The following PHC2 variants were observed in gnomAD, a reference collection of about 807,000 sequenced individuals.
PHC2 encodes polyhomeotic-like protein 2.
In PHC2, 29 loss-of-function variants were observed where a neutral mutation model predicts 87.4. The ratio of observed to expected loss-of-function variants is 0.33; its 90% CI spans 0.25 to 0.45. PHC2 has a LOEUF of 0.45. Among genes scored for constraint, PHC2 ranks in the 20% least tolerant of loss-of-function variants. The pLI is 1.00. For synonymous variants in PHC2, 438 were observed against 461.7 expected (o/e 0.95, Z 0.66); for missense variants, 857 against 1,136.7 (o/e 0.75, Z 3.54).
At chr1:33,371,553 C>T (rs1224203663) in intron 3 of PHC2, among the ~76,000 whole-genome samples, 1 of 152,210 alleles carries the variant, frequency 6.6e-6, no homozygotes, top group Non-Finnish European at 1.5e-5. Context: ...CACCGCCCCC[C>T]ACAGAGAATT....
At chr1:33,405,164 T>C (rs1649703414) in intron 1 of PHC2, among the ~76,000 whole-genome samples, 1 of 152,018 alleles carries the variant, frequency 6.6e-6, no homozygotes, top group African/African-American at 2.4e-5. Context: ...CCTCAATCAG[T>C]CTTTATAAGG....
At chr1:33,367,765 A>G (rs891682423) in intron 6 of PHC2, among the ~76,000 whole-genome samples, 9 of 152,124 alleles carry the variant, frequency 5.9e-5, no homozygotes, top group Non-Finnish European at 1.3e-4. Flanking sequence ...TTGGATGCAC[A>G]CCACCCAGAA....
rs758715305 is a variant in PHC2, at chr1:33,334,250, C to A, written c.1601G>T (p.Ser534Ile). 2 of 1,611,526 alleles carry A rather than the reference C, an allele frequency of 1.2e-6. No homozygotes were observed. The highest frequency in any genetic ancestry group is 2.7e-5 in the African/African-American group (2 of 74,662). ...TCCGTTCCCTGAGGTCATGCCGGGG[C>A]TGCTGAGGTCGGTCAGTGCATGAAC... is the stretch of plus-strand genomic sequence containing the variant. ...GIVHALTDLS[S>I]PGMTSGNGNS... Residue 534 changes from serine to isoleucine, a missense_variant, in exon 10 of 15, where the codon AGC (serine) becomes ATC (isoleucine). Ser to Ile is a moderately radical substitution (Grantham distance 142). Around this residue, in one of 3 missense-constraint regions of PHC2, gnomAD observed 832 missense variants for 1,081.8 expected, o/e 0.77. Transcript: ENST00000683057. The surrounding 1 kb of genome is among the most constrained non-coding windows in gnomAD (Gnocchi z 5.5).
intron 1 of PHC2, among the ~76,000 whole-genome samples, chr1:33,424,144 G>A (rs986722388): frequency 2.0e-5 from 3 of 151,836 alleles, no homozygotes; most frequent in African/African-American, 7.2e-5. Context: ...AAAAGAAAGT[G>A]CTGAATATTT....
At chr1:33,342,394 G>C (rs950038073) in intron 9 of PHC2, among the ~76,000 whole-genome samples, 1 of 152,186 alleles carries the variant, frequency 6.6e-6, no homozygotes, top group Admixed American at 6.5e-5. Context: ...AAAGAGAACG[G>C]CCCTTCTGAC....
intron 1 of PHC2, among the ~76,000 whole-genome samples, chr1:33,420,089 T>C (rs1180945032): frequency 6.6e-6 from 1 of 152,234 alleles, no homozygotes; most frequent in Non-Finnish European, 1.5e-5. Context: ...AGCCTACTAT[T>C]TATCACTAGG....
chr1:33,329,610 A>G (rs139707718), intron 13 of PHC2, among the ~76,000 whole-genome samples: 2,118 of 152,342 alleles, frequency 0.014, 26 homozygotes, highest in Non-Finnish European at 0.021. Flanking sequence ...TCTGGCATAC[A>G]GCTGGTGCTA....
At chr1:33,425,773 G>A (rs1650643509) in intron 1 of PHC2, among the ~76,000 whole-genome samples, 1 of 152,180 alleles carries the variant, frequency 6.6e-6, no homozygotes, top group African/African-American at 2.4e-5. Flanking sequence ...AGAAGACCCA[G>A]CCCAGCCATG....
At chr1:33,408,045 T>C (rs1286705329) in intron 1 of PHC2, among the ~76,000 whole-genome samples, 2 of 152,228 alleles carry the variant, frequency 1.3e-5, no homozygotes, top group Non-Finnish European at 2.9e-5. Flanking sequence ...ACCCTAGATT[T>C]TGGCCCAAGC....
chr1:33,375,474 C>T lies in PHC2; in HGVS notation c.66G>A (p.Gly22=). 2.5e-6 allele frequency: 4 copies of T among 1,612,088 alleles called. No homozygotes were observed. The highest frequency in any genetic ancestry group is 3.4e-6 in the Non-Finnish European group (4 of 1,179,162). ...SSACATSSTS[G]ASSSSGCNNS... Reference sequence around the variant, plus strand: ...TGTTGCAGCCACTGCTGCTACTGGCCCCGCTGGTACTGCTGGTGGCACAGG... The same window carrying T: ...TGTTGCAGCCACTGCTGCTACTGGCTCCGCTGGTACTGCTGGTGGCACAGG... The change falls in exon 2 of 15, where the codon GGG becomes GGA. Residue 22 remains glycine (G), a synonymous_variant. Transcript: ENST00000683057.
Position 33,349,664 on chromosome 1 carries a change from C to T in PHC2, c.1558+4737G>A, listed in dbSNP as rs1480668767. The T allele has an allele frequency of 2.0e-6, 2 of 982,890 alleles. No homozygotes were observed. The highest frequency in any genetic ancestry group is 3.5e-5 in the African/African-American group (2 of 56,786). The allele number at this position is 982,890 out of a possible 1,614,324, so 60.9% of individuals were successfully genotyped here. On this transcript the variant is annotated intron_variant, in intron 9 of 14. Transcript: ENST00000683057. The surrounding 1 kb of genome is among the most constrained non-coding windows in gnomAD (Gnocchi z 4.2). ...AGCCCCTCGGCCGGGCGCCGACTCG[C>T]GCGGGGTCCCGGGCCCGGGCGGGCC...
In PHC2 at chr1:33,334,302, A is replaced by G. The variant is rs1280659788; in HGVS notation, c.1559-10T>C. ...ATGCCCTGCCCTGTCTCTGCACGAGAGAGAGTAGGAAAACAAAGCAGGGGA... is the reference window on the plus strand; with the variant it reads ...ATGCCCTGCCCTGTCTCTGCACGAGGGAGAGTAGGAAAACAAAGCAGGGGA... On this transcript the variant is annotated splice_polypyrimidine_tract_variant and intron_variant, in intron 9 of 14. Transcript: ENST00000683057. The surrounding 1 kb of genome is among the most constrained non-coding windows in gnomAD (Gnocchi z 5.5). 4.3e-6 allele frequency: 7 copies of G among 1,611,588 alleles called. No individual in the cohort carries two copies. Among genetic ancestry groups the G allele is most frequent in the Non-Finnish European group, 5.9e-6 (7 of 1,178,616 alleles).
At chr1:33,427,999 A>G (rs192041546) in intron 1 of PHC2, among the ~76,000 whole-genome samples, 3 of 152,308 alleles carry the variant, frequency 2.0e-5, no homozygotes. Flanking sequence ...GGCTTCAATT[A>G]TCACCATTTT....
chr1:33,331,215 G>C lies in PHC2; in HGVS notation c.2006+133C>G, dbSNP rs1269956573. Reference sequence around the variant, plus strand: ...CTTGTTGAATTAGGGATGCCATCCTGCTTCCAGGTGGGTCGAGGAACTAGG... The same window carrying C: ...CTTGTTGAATTAGGGATGCCATCCTCCTTCCAGGTGGGTCGAGGAACTAGG... On this transcript the variant is annotated intron_variant, in intron 12 of 14. Coordinates refer to ENST00000683057, the MANE Select transcript of PHC2 (RefSeq NM_001385109.1). The surrounding 1 kb of genome is among the most constrained non-coding windows in gnomAD (Gnocchi z 5.2). 4 of 507,528 alleles carry C rather than the reference G, an allele frequency of 7.9e-6. No homozygotes were observed. Among genetic ancestry groups the C allele is most frequent in the Non-Finnish European group, 1.4e-5 (4 of 284,632 alleles). 31.4% of individuals were successfully genotyped at this position (507,528 alleles called of 1,614,324 possible).
rs1441648414 is a variant in PHC2, at chr1:33,375,395, T to G, written c.145A>C (p.Ser49Arg). The change falls in exon 2 of 15, where the codon AGT (serine) becomes CGT (arginine). Residue 49 changes from serine to arginine, a missense_variant. Transcript: ENST00000683057. ...ACGGTCTGCCGGTCTGGAATACCAC[T>G]GTACACAGAAATCTGGGGCCCGGTG... The part of the protein sequence containing the change: ...RPTGPQISVY[S>R]GIPDRQTVQV... The G allele has an allele frequency of 6.2e-7, 1 of 1,608,370 alleles. No homozygotes were observed. The highest frequency in any genetic ancestry group is 2.2e-5 in the East Asian group (1 of 44,530).
rs2148349357 is a variant in PHC2 at position 33,382,788 on chromosome 1, G to C, written c.-54-7195C>G. On this transcript the variant is annotated intron_variant, in intron 1 of 14. Transcript: ENST00000683057. The surrounding 1 kb of genome is among the most constrained non-coding windows in gnomAD (Gnocchi z 4.3). ...GTTCTGCCCTCCCAGGAGCCGCCAAGTCTACGAAACACTAGGCCTTTGTCC... is the reference window on the plus strand; with the variant it reads ...GTTCTGCCCTCCCAGGAGCCGCCAACTCTACGAAACACTAGGCCTTTGTCC... Among the ~76,000 whole-genome samples the C allele has an allele frequency of 6.6e-6, 1 of 152,326 alleles. No homozygotes were observed. The highest frequency in any genetic ancestry group is 1.5e-5 in the Non-Finnish European group (1 of 68,028).
At position 33,332,511 on chromosome 1, in the gene PHC2, G is replaced by C. The variant is rs759943610; in HGVS notation, c.1762-107C>G. 7.5e-7 allele frequency: 1 copy of C among 1,340,726 alleles called. No homozygotes were observed. The highest frequency in any genetic ancestry group is 2.3e-5 in the East Asian group (1 of 43,246). The allele number at this position is 1,340,726 out of a possible 1,614,324, so 83.1% of individuals were successfully genotyped here. A position where few individuals can be genotyped will look rare whatever the true frequency, so the allele number is the denominator to read the frequency against. On this transcript the variant is annotated intron_variant, in intron 10 of 14. Transcript: ENST00000683057. The surrounding 1 kb of genome is among the most constrained non-coding windows in gnomAD (Gnocchi z 4.2). The stretch of plus-strand genomic sequence containing the variant: ...ATAAAGTATCCAGGCACAGAGGCCA[G>C]CCCTCCTCAAACCTTCCCCCATGTC...
intron 14 of PHC2, chr1:33,325,704 C>A: frequency 2.8e-6 from 1 of 356,092 alleles, no homozygotes; most frequent in Non-Finnish European, 5.7e-6. Context: ...CCCACATGGC[C>A]CTTGAGATGA....
At chr1:33,393,110 A>G (rs1424109699) in intron 1 of PHC2, among the ~76,000 whole-genome samples, 1 of 152,180 alleles carries the variant, frequency 6.6e-6, no homozygotes, top group Non-Finnish European at 1.5e-5. Flanking sequence ...GGGAGGCCAT[A>G]AACTTGAAAA....
Sources: gnomAD v4.1 joint callset for allele counts (sites outside exome capture counted in the v4.1 genomes callset) on GRCh38, gnomAD v4.1.1 for gene constraint, gnomAD v4.1.1 regional missense constraint, Gnocchi (gnomAD v3.1) non-coding constraint, MANE v1.5 for transcripts, NCBI Gene and HGNC (gene_info 2026-07-23, HGNC 2026-07-21) for gene names.